GHR: variants seen among roughly 807,000 people sequenced by gnomAD.
GHR encodes GH receptor.
GHR carries 35 observed loss-of-function variants against 67.1 expected under a neutral mutation model. That is an observed-to-expected ratio of 0.52 (90% CI 0.40 to 0.69). The LOEUF (loss-of-function observed/expected upper bound fraction) is 0.69, where lower values mean the gene tolerates loss of function less well. Ranked by LOEUF, GHR falls within the 30% of genes least tolerant of loss-of-function variation. The pLI is 0.00. For synonymous variants in GHR, 272 were observed against 269.1 expected (o/e 1.01, Z -0.10); for missense variants, 792 against 764.6 (o/e 1.04, Z -0.42).
chr5:42,584,871 A>G (rs1303217512), intron 2 of GHR, among the ~76,000 whole-genome samples: 2 of 152,084 alleles, frequency 1.3e-5, no homozygotes, highest in African/African-American at 4.8e-5. Context: ...ACAGCTCTCT[A>G]TAGTAAGCAA....
chr5:42,626,041 T>C (rs1458979260), intron 2 of GHR, among the ~76,000 whole-genome samples: 1 of 152,160 alleles, frequency 6.6e-6, no homozygotes, highest in Non-Finnish European at 1.5e-5. Flanking sequence ...TTGTAGGGCA[T>C]GACTCCCCAG....
intron 2 of GHR, among the ~76,000 whole-genome samples, chr5:42,606,426 T>C (rs907258944): frequency 6.6e-6 from 1 of 152,178 alleles, no homozygotes; most frequent in African/African-American, 2.4e-5. Context: ...CAGTGAGGGC[T>C]TCAGGCTGTT....
At chr5:42,440,136 C>G (rs1237482184) in intron 1 of GHR, among the ~76,000 whole-genome samples, 1 of 152,226 alleles carries the variant, frequency 6.6e-6, no homozygotes, top group African/African-American at 2.4e-5. Context: ...AACGTTTACA[C>G]TTTGCCCAGT....
intron 3 of GHR, among the ~76,000 whole-genome samples, chr5:42,687,390 T>A (rs1268742541): frequency 2.6e-5 from 4 of 152,212 alleles, no homozygotes; most frequent in Admixed American, 6.6e-5. Flanking sequence ...AGAACAAAGC[T>A]GAAGGCATCA....
chr5:42,539,617 G>A (rs565111632), intron 1 of GHR, among the ~76,000 whole-genome samples: 10 of 152,248 alleles, frequency 6.6e-5, no homozygotes, highest in South Asian at 2.1e-4. Flanking sequence ...GGGTCCTCTC[G>A]GGATTCCTGT....
intron 1 of GHR, among the ~76,000 whole-genome samples, chr5:42,466,283 AG>A (rs1014146333): frequency 7.3e-5 from 6 of 81,874 alleles, no homozygotes; most frequent in African/African-American, 1.6e-4. Context: ...ATCAAGGTTC[AG>A]GGGGTATAGA....
rs768004162 is a variant in GHR at position 42,711,246 on chromosome 5, T to C, written c.658T>C (p.Leu220=). ...GACAACATCAGTTCCAGTGTACTCATTGAAAGTGGATAAGGAATATGAAGT... is the reference window on the plus strand; with the variant it reads ...GACAACATCAGTTCCAGTGTACTCACTGAAAGTGGATAAGGAATATGAAGT... ...ILTTSVPVYS[L]KVDKEYEVRV... Residue 220 remains leucine, a synonymous_variant, in exon 7 of 10, where the codon TTG becomes CTG. Transcript: ENST00000230882. 201 of 1,613,344 alleles carry C rather than the reference T, an allele frequency of 1.2e-4. 2 individuals are homozygous for C. Among genetic ancestry groups the C allele is most frequent in the Non-Finnish European group, 1.7e-4 (196 of 1,179,332 alleles).
intron 1 of GHR, among the ~76,000 whole-genome samples, chr5:42,426,808 C>G (rs1322051006): frequency 2.6e-5 from 4 of 151,926 alleles, no homozygotes; most frequent in African/African-American, 4.8e-5. Flanking sequence ...AATAATATGT[C>G]CCATAAAAGA....
At chr5:42,580,658 A>C (rs11955075) in intron 2 of GHR, among the ~76,000 whole-genome samples, 43,832 of 152,054 alleles carry the variant, frequency 0.29, 7,268 homozygotes, top group African/African-American at 0.43. Context: ...CGATGTAGCC[A>C]AGATTTCAAG....
At chr5:42,438,189 TC>T (rs1208335638) in intron 1 of GHR, among the ~76,000 whole-genome samples, 1 of 152,188 alleles carries the variant, frequency 6.6e-6, no homozygotes, top group East Asian at 1.9e-4. Context: ...TATTATTTAA[TC>T]CCACACAAAA....
At chr5:42,604,100 G>C (rs139107141) in intron 2 of GHR, among the ~76,000 whole-genome samples, 259 of 152,326 alleles carry the variant, frequency 1.7e-3, no homozygotes, top group African/African-American at 5.8e-3. Context: ...GGTAAGGTCA[G>C]GAAGGGTCAT....
intron 1 of GHR, among the ~76,000 whole-genome samples, chr5:42,518,094 C>A (rs1238656293): frequency 2.0e-5 from 3 of 150,610 alleles, no homozygotes; most frequent in Admixed American, 2.0e-4. Flanking sequence ...ACCCTCTTCC[C>A]TTTTTTTCTT....
At chr5:42,664,895 C>T (rs1484551955) in intron 3 of GHR, among the ~76,000 whole-genome samples, 2 of 152,082 alleles carry the variant, frequency 1.3e-5, no homozygotes, top group African/African-American at 2.4e-5. Context: ...AACAAATCTA[C>T]AGGAAAAAAA....
chr5:42,559,046 A>G (rs1749460419), intron 1 of GHR, among the ~76,000 whole-genome samples: 1 of 152,218 alleles, frequency 6.6e-6, no homozygotes, highest in Non-Finnish European at 1.5e-5. Flanking sequence ...CTGCATTTAC[A>G]TTTCATAAAA....
chr5:42,547,071 C>T (rs1454153549), intron 1 of GHR, among the ~76,000 whole-genome samples: 1 of 152,168 alleles, frequency 6.6e-6, no homozygotes, highest in African/African-American at 2.4e-5. Flanking sequence ...GATTTCAAAA[C>T]ATATTAGCCA....
At chr5:42,463,978 G>A (rs1242678170) in intron 1 of GHR, among the ~76,000 whole-genome samples, 1 of 115,896 alleles carries the variant, frequency 8.6e-6, no homozygotes, top group African/African-American at 3.5e-5. Flanking sequence ...GGGCGACAGA[G>A]CGAGACTCCG....
At chr5:42,512,799 C>CG (rs1747074395) in intron 1 of GHR, among the ~76,000 whole-genome samples, 1 of 133,484 alleles carries the variant, frequency 7.5e-6, no homozygotes, top group Non-Finnish European at 1.6e-5. Flanking sequence ...CATTCAGTAA[C>CG]TTTTTTTTTT....
chr5:42,435,061 G>A (rs1743263636), intron 1 of GHR, among the ~76,000 whole-genome samples: 1 of 152,140 alleles, frequency 6.6e-6, no homozygotes, highest in Non-Finnish European at 1.5e-5. Context: ...CACATATTGG[G>A]CACTGCAGAT....
chr5:42,455,951 G>T (rs1420273468), intron 1 of GHR, among the ~76,000 whole-genome samples: 1 of 152,164 alleles, frequency 6.6e-6, no homozygotes, highest in Non-Finnish European at 1.5e-5. Flanking sequence ...TACAGAATAG[G>T]TTAGACCAGA....
Sources: gnomAD v4.1 joint callset for allele counts (sites outside exome capture counted in the v4.1 genomes callset) on GRCh38, gnomAD v4.1.1 for gene constraint, MANE v1.5 for transcripts, NCBI Gene and HGNC (gene_info 2026-07-23, HGNC 2026-07-21) for gene names.